The following DENND1A variants were observed in gnomAD, a reference collection of about 807,000 sequenced individuals.
DENND1A encodes the protein DENN domain containing 1A, also known as DENN domain-containing protein 1A.
A neutral mutation model predicts 113.7 loss-of-function variants in DENND1A; 51 were observed. The ratio of observed to expected loss-of-function variants is 0.45; its 90% CI spans 0.36 to 0.57. DENND1A has a LOEUF of 0.57. DENND1A is among the 20% of genes least tolerant of loss of function. DENND1A has a pLI of 0.00. For missense variants in DENND1A, 1,258 were observed against 1,395.9 expected, an observed-to-expected ratio of 0.90 and a Z score of 1.57; for synonymous variants, 565 against 570.8, an observed-to-expected ratio of 0.99 and a Z score of 0.14.
intron 3 of DENND1A, among the ~76,000 whole-genome samples, chr9:123,779,947 AG>A (rs1435549729): frequency 2.0e-5 from 3 of 148,214 alleles, no homozygotes; most frequent in African/African-American, 7.7e-5. Context: ...ACTGCAACCC[AG>A]GGTTCAACCG....
chr9:123,878,479 AT>A (rs1847846516), intron 2 of DENND1A, among the ~76,000 whole-genome samples: 1 of 152,152 alleles, frequency 6.6e-6, no homozygotes, highest in African/African-American at 2.4e-5. Context: ...CCTTCAACTA[AT>A]TTTCAACCTT....
intron 5 of DENND1A, among the ~76,000 whole-genome samples, chr9:123,730,966 A>G (rs2068120104): frequency 6.6e-6 from 1 of 152,194 alleles, no homozygotes; most frequent in South Asian, 2.1e-4. Flanking sequence ...AGCGACATGG[A>G]TGAAGCTGGA....
At chr9:123,408,108 C>T (rs1023390065) in intron 20 of DENND1A, among the ~76,000 whole-genome samples, 1 of 152,182 alleles carries the variant, frequency 6.6e-6, no homozygotes, top group Admixed American at 6.5e-5. Context: ...CCTCCCCAGC[C>T]CCTGCTACCC....
Position 123,557,576 on chromosome 9 carries a change from G to A in DENND1A, c.987C>T (p.Ile329=), listed in dbSNP as rs779903728. The change falls in exon 13 of 24, where the codon ATC becomes ATT. Residue 329 remains isoleucine, a synonymous_variant. Transcript: ENST00000394215. ...ACATGCCAAGGCTACTCACCGGCTC[G>A]ATTTTCAGAGCGTTTCGGTAGCTAC... ...FFGSYRNALK[I]EPEEPITFCE... The A allele has an allele frequency of 1.2e-5, 19 of 1,613,474 alleles. No individual in the cohort carries two copies. Among genetic ancestry groups the A allele is most frequent in the African/African-American group, 5.3e-5 (4 of 74,904 alleles).
At chr9:123,647,956 C>T (rs557990779) in intron 9 of DENND1A, among the ~76,000 whole-genome samples, 4 of 152,296 alleles carry the variant, frequency 2.6e-5, no homozygotes, top group African/African-American at 4.8e-5. Flanking sequence ...GATGGGCATA[C>T]GTAAATAGTT....
chr9:123,804,464 C>T (rs1835210765), intron 2 of DENND1A, among the ~76,000 whole-genome samples: 1 of 152,186 alleles, frequency 6.6e-6, no homozygotes, highest in African/African-American at 2.4e-5. Context: ...CCTTGCTGAT[C>T]TCTCCCTATT....
intron 8 of DENND1A, chr9:123,652,340 A>C (rs1238928200): frequency 2.1e-6 from 1 of 476,816 alleles, no homozygotes; most frequent in Non-Finnish European, 3.8e-6. Flanking sequence ...CTGAGCAATT[A>C]CATCTTTGTG....
intron 13 of DENND1A, among the ~76,000 whole-genome samples, chr9:123,491,230 T>C (rs376406997): frequency 7.6e-4 from 116 of 152,304 alleles, no homozygotes; most frequent in African/African-American, 2.6e-3. Flanking sequence ...AGGAACGGTG[T>C]AGGCCAAGGC....
chr9:123,597,611 G>C (rs538165728), intron 11 of DENND1A, among the ~76,000 whole-genome samples: 3 of 152,278 alleles, frequency 2.0e-5, no homozygotes, highest in African/African-American at 7.2e-5. Context: ...ATGGGCCCTA[G>C]GGTCATTAGA....
Position 123,626,917 on chromosome 9 carries a change from C to T in DENND1A, c.719+3459G>A, listed in dbSNP as rs550207802. Reference sequence around the variant, plus strand: ...GGTGAAGTCAATGGCTTTGGACAGACTGCTCTTCCTCCCTCAGGAATGGCA... The same window carrying T: ...GGTGAAGTCAATGGCTTTGGACAGATTGCTCTTCCTCCCTCAGGAATGGCA... On this transcript the variant is annotated intron_variant, in intron 10 of 23. Transcript: ENST00000394215. Among the ~76,000 whole-genome samples the T allele has an allele frequency of 2.6e-5, 4 of 152,322 alleles. No individual in the cohort carries two copies. The East Asian group carries it at 7.7e-4, about 29-fold the overall frequency.
chr9:123,444,104 G>A (rs2047131183), intron 18 of DENND1A, among the ~76,000 whole-genome samples: 1 of 152,228 alleles, frequency 6.6e-6, no homozygotes, highest in African/African-American at 2.4e-5. Flanking sequence ...TGTCAGCAAA[G>A]GGCTTGAGAA....
intron 19 of DENND1A, among the ~76,000 whole-genome samples, chr9:123,439,448 T>C (rs977482525): frequency 6.6e-6 from 1 of 152,230 alleles, no homozygotes; most frequent in African/African-American, 2.4e-5. Context: ...TGGTGCATAG[T>C]AGGCACCTGA....
intron 22 of DENND1A, among the ~76,000 whole-genome samples, chr9:123,386,676 G>A (rs562051695): frequency 7.9e-5 from 12 of 152,320 alleles, no homozygotes; most frequent in South Asian, 2.1e-4. Context: ...GAGCCACTGC[G>A]CTTGGCAAGG....
At chr9:123,854,552 G>A (rs1314605815) in intron 2 of DENND1A, among the ~76,000 whole-genome samples, 2 of 151,726 alleles carry the variant, frequency 1.3e-5, no homozygotes, top group Non-Finnish European at 1.5e-5. Flanking sequence ...AAAATTAGCC[G>A]GGTATGGTGG....
rs141991289 is a variant in DENND1A at position 123,440,471 on chromosome 9, G to A, written c.1377C>T (p.Cys459=). 35 of 1,570,692 alleles carry A rather than the reference G, an allele frequency of 2.2e-5. No homozygotes were observed. The highest frequency in any genetic ancestry group is 3.4e-4 in the Middle Eastern group (2 of 5,916). ...LKQKDIAENG[C]APTPEEQLPK... ...GCAGCTGCTCTTCTGGGGTGGGGGC[G>A]CAGCCATTCTCGGCAATGTCCTGTA... The change falls in exon 19 of 24, where the codon TGC becomes TGT. Residue 459 remains cysteine, a synonymous_variant. Transcript: ENST00000394215.
intron 11 of DENND1A, among the ~76,000 whole-genome samples, chr9:123,607,941 C>T (rs2060246752): frequency 6.6e-6 from 1 of 152,102 alleles, no homozygotes. Flanking sequence ...ATTAGTGTTT[C>T]AAACTCTACA....
chr9:123,629,051 C>A (rs559476406), intron 10 of DENND1A, among the ~76,000 whole-genome samples: 1 of 152,186 alleles, frequency 6.6e-6, no homozygotes, highest in African/African-American at 2.4e-5. Context: ...CCAGCACGTT[C>A]CAATTAGGAG....
chr9:123,554,046 G>A (rs2057283394), intron 13 of DENND1A, among the ~76,000 whole-genome samples: 1 of 152,198 alleles, frequency 6.6e-6, no homozygotes, highest in Non-Finnish European at 1.5e-5. Context: ...GTGAGCCAAT[G>A]AAGAGCAGGT....
At chr9:123,545,491 G>C (rs1327045045) in intron 13 of DENND1A, among the ~76,000 whole-genome samples, 1 of 151,390 alleles carries the variant, frequency 6.6e-6, no homozygotes, top group Non-Finnish European at 1.5e-5. Flanking sequence ...TTTTGAGACA[G>C]AGTCTCGCTC....
Sources: allele counts gnomAD v4.1 joint callset (sites outside exome capture counted in the v4.1 genomes callset), GRCh38; gene constraint gnomAD v4.1.1; transcripts MANE v1.5; gene names NCBI Gene and HGNC (gene_info 2026-07-23, HGNC 2026-07-21).